The following PGGHG variants were observed in gnomAD, a reference collection of about 807,000 sequenced individuals.
The protein encoded by PGGHG is protein-glucosylgalactosylhydroxylysine glucosidase.
A neutral mutation model predicts 74.5 loss-of-function variants in PGGHG; 67 were observed. The ratio of observed to expected loss-of-function variants is 0.90; its 90% CI spans 0.74 to 1.10. PGGHG has a LOEUF of 1.10. Among genes scored for constraint, PGGHG ranks in the 50% least tolerant of loss-of-function variants. The pLI is 0.00. For missense variants in PGGHG, 1,034 were observed against 981.5 expected (o/e 1.05, Z -0.72); for synonymous variants, 496 against 419.9 (o/e 1.18, Z -2.21).
intron 4 of PGGHG, 184 bp downstream of exon 4, chr11:291,297 CAG>C: frequency 4.0e-6 from 3 of 748,602 alleles, no homozygotes; most frequent in Non-Finnish European, 4.1e-6. Flanking sequence ...ATGGAAGGTG[CAG>C]AGACCAGAGC....
intron 7 of PGGHG, 37 bp from the exon 8 acceptor site, chr11:293,126 C>A: frequency 6.2e-7 from 1 of 1,613,658 alleles, no homozygotes; most frequent in Non-Finnish European, 8.5e-7. Context: ...GCCTCTGAGA[C>A]TCTGCACTGA....
At chr11:293,321 G>T (rs1184598375) in intron 8 of PGGHG, 45 bp from the exon 9 acceptor site, 2 of 1,603,578 alleles carry the variant, frequency 1.2e-6, no homozygotes. Flanking sequence ...GGCAGCAGCT[G>T]GAAGTGTAGG....
chr11:294,414 G>A lies in PGGHG; in HGVS notation c.1956G>A (p.Gly652=), dbSNP rs1590291851. Residue 652 remains glycine (G), a synonymous_variant, in exon 13 of 14, where the codon GGG becomes GGA. Transcript: ENST00000409548. The part of the protein sequence containing the change: ...SVTVEVTARA[G]PWAPHLEAEL... ...CCGTGGAGGTCACAGCTCGAGCAGG[G>A]CCCTGGGCTCCTCACCTGGAGGCTG... The A allele has an allele frequency of 3.2e-6, 5 of 1,586,818 alleles. 1 individual carries two copies. In the South Asian group the frequency reaches 3.3e-5, roughly 11 times the overall value.
Position 294,747 on chromosome 11 carries a change from T to TC in PGGHG, c.2212_2213insC (p.Ter738SerfsTer48). ...ACTCACTGTGGACCCTGCCTCTGAATAATCAGGAACGGTGGCTTCAGAGAC... is the reference window on the plus strand; with the variant it reads ...ACTCACTGTGGACCCTGCCTCTGAATCAATCAGGAACGGTGGCTTCAGAGAC... On this transcript the variant is annotated frameshift_variant and stop_lost, in exon 14 of 14. Coordinates refer to ENST00000409548, the MANE Select transcript of PGGHG (RefSeq NM_025092.5). LOFTEE classifies it high-confidence loss of function. 4.4e-5 allele frequency: 70 copies of TC among 1,594,036 alleles called. No individual in the cohort carries two copies. Among genetic ancestry groups the TC allele is most frequent in the Non-Finnish European group, 5.6e-5 (65 of 1,168,136 alleles).
rs1564839712 is a variant in PGGHG, at chr11:290,844, GCCTGCCTCA to G, written c.639_647del (p.Cys214_Thr216del). 1 of 1,612,074 alleles carries G rather than the reference GCCTGCCTCA, an allele frequency of 6.2e-7. No individual in the cohort carries two copies. Among genetic ancestry groups the G allele is most frequent in the Non-Finnish European group, 8.5e-7 (1 of 1,179,612 alleles). On this transcript the variant is annotated inframe_deletion, in exon 4 of 14. Coordinates refer to ENST00000409548, the MANE Select transcript of PGGHG (RefSeq NM_025092.5). ...GGGCGGCAGCCAGGCTGAGGCTCAG[GCCTGCCTCA>G]CTGAGGCCCTGCAGCTGCAGGCCAG...
At chr11:291,667 C>T in intron 4 of PGGHG, 1 of 339,624 alleles carries the variant, frequency 2.9e-6, no homozygotes, top group Non-Finnish European at 5.5e-6. Context: ...TTTGATGAGG[C>T]TCTCAGAGGC....
chr11:292,222 C>G, intron 5 of PGGHG, 127 bp downstream of exon 5: 1 of 1,336,774 alleles, frequency 7.5e-7, no homozygotes, highest in Non-Finnish European at 9.9e-7. Context: ...GATTCCCCAC[C>G]CTGAGGCTTG....
At position 293,822 on chromosome 11, in the gene PGGHG, G is replaced by C; in HGVS notation, c.1615-8G>C. 1 of 1,613,642 alleles carries C rather than the reference G, an allele frequency of 6.2e-7. No homozygotes were observed. The highest frequency in any genetic ancestry group is 8.5e-7 in the Non-Finnish European group (1 of 1,179,988). ...CACCCCTGTGTGTCCTCTTACCTCTGACCCCAGAGCATGTTTGCTGTGGGC... is the reference window on the plus strand; with the variant it reads ...CACCCCTGTGTGTCCTCTTACCTCTCACCCCAGAGCATGTTTGCTGTGGGC... On this transcript the variant is annotated splice_region_variant and splice_polypyrimidine_tract_variant and intron_variant, in intron 10 of 13. Transcript: ENST00000409548.
chr11:294,350 G>A lies in PGGHG; in HGVS notation c.1892G>A (p.Gly631Glu), dbSNP rs1845814331. The change falls in exon 13 of 14, where the codon GGG becomes GAG. Residue 631 changes from glycine (G) to glutamate (E), a missense_variant. Coordinates refer to ENST00000409548, the MANE Select transcript of PGGHG (RefSeq NM_025092.5). ...RVSVSGIFYQ[G>E]NKLNFSFSED... ...AGCGTCTCCGGCATCTTCTACCAGG[G>A]GAACAAGCTCAACTTCTCTTTTTCC... 1 of 1,613,138 alleles carries A rather than the reference G, an allele frequency of 6.2e-7. No homozygotes were observed. Among genetic ancestry groups the A allele is most frequent in the Admixed American group, 1.7e-5 (1 of 59,990 alleles).
At position 294,294 on chromosome 11, in the gene PGGHG, C is replaced by T. The variant is rs371413879; in HGVS notation, c.1836C>T (p.Asp612=). The change falls in exon 13 of 14, where the codon GAC becomes GAT. Residue 612 remains aspartate (D), a synonymous_variant. Transcript: ENST00000409548. Reference sequence around the variant, plus strand: ...TCACCCGAGCGGGTGTGACCTTTGACCCTGTGTGTCTGTCGGGGATCTCCA... The same window carrying T: ...TCACCCGAGCGGGTGTGACCTTTGATCCTGTGTGTCTGTCGGGGATCTCCA... ...FRVTRAGVTF[D]PVCLSGISRV... 3 of 1,611,216 alleles carry T rather than the reference C, an allele frequency of 1.9e-6. No individual in the cohort carries two copies. Among genetic ancestry groups the T allele is most frequent in the Non-Finnish European group, 1.7e-6 (2 of 1,178,852 alleles).
chr11:294,647 G>T lies in PGGHG; in HGVS notation c.2112G>T (p.Arg704Ser). 1 of 1,603,876 alleles carries T rather than the reference G, an allele frequency of 6.2e-7. No individual in the cohort carries two copies. Among genetic ancestry groups the T allele is most frequent in the Non-Finnish European group, 8.5e-7 (1 of 1,175,560 alleles). ...PGSSSSEFPG[R>S]TFSDVRDPLQ... Reference sequence around the variant, plus strand: ...GTTCCAGCTCCGAGTTCCCTGGGAGGACTTTTTCAGATGTTAGGGACCCGC... The same window carrying T: ...GTTCCAGCTCCGAGTTCCCTGGGAGTACTTTTTCAGATGTTAGGGACCCGC... The change falls in exon 14 of 14, where the codon AGG (arginine) becomes AGT (serine). Residue 704 changes from arginine (R) to serine (S), a missense_variant. Coordinates refer to ENST00000409548, the MANE Select transcript of PGGHG (RefSeq NM_025092.5).
At position 290,453 on chromosome 11, in the gene PGGHG, G is replaced by T. The variant is rs566025700; in HGVS notation, c.323G>T (p.Arg108Leu). The T allele has an allele frequency of 3.9e-6, 6 of 1,549,508 alleles. No homozygotes were observed. In the African/African-American group the frequency reaches 8.2e-5, roughly 21 times the overall value. Residue 108 changes from arginine to leucine, a missense_variant, in exon 3 of 14, where the codon CGC becomes CTC. Coordinates refer to ENST00000409548, the MANE Select transcript of PGGHG (RefSeq NM_025092.5). ...GCCTCCCAGTGCATCTATGCGCATC[G>T]CACGCTGCCCCACGTGCTGGCTTTC... ...FRASQCIYAH[R>L]TLPHVLAFRV...
intron 4 of PGGHG, chr11:291,351 T>A: frequency 2.0e-6 from 1 of 502,452 alleles, no homozygotes; most frequent in South Asian, 3.7e-5. Flanking sequence ...GGGAGGGGCC[T>A]CCACCAAGGC....
chr11:293,817 C>G lies in PGGHG; in HGVS notation c.1615-13C>G, dbSNP rs747669509. The G allele has an allele frequency of 6.2e-7, 1 of 1,613,608 alleles. No individual in the cohort carries two copies. The highest frequency in any genetic ancestry group is 8.5e-7 in the Non-Finnish European group (1 of 1,179,972). Reference sequence around the variant, plus strand: ...GGCCTCACCCCTGTGTGTCCTCTTACCTCTGACCCCAGAGCATGTTTGCTG... The same window carrying G: ...GGCCTCACCCCTGTGTGTCCTCTTAGCTCTGACCCCAGAGCATGTTTGCTG... On this transcript the variant is annotated splice_polypyrimidine_tract_variant and intron_variant, in intron 10 of 13. Transcript: ENST00000409548.
chr11:294,628 G>A lies in PGGHG; in HGVS notation c.2093G>A (p.Ser698Asn). ...CCCCCGAAGCTGCCTGGAAGTTCCAGCTCCGAGTTCCCTGGGAGGACTTTT... is the reference window on the plus strand; with the variant it reads ...CCCCCGAAGCTGCCTGGAAGTTCCAACTCCGAGTTCCCTGGGAGGACTTTT... ...MSPPKLPGSS[S>N]SEFPGRTFSD... The change falls in exon 14 of 14, where the codon AGC (serine) becomes AAC (asparagine). Residue 698 changes from serine to asparagine, a missense_variant. By Grantham distance (46) the Ser-to-Asn change is conservative. Transcript: ENST00000409548. 1.3e-6 allele frequency: 2 copies of A among 1,521,422 alleles called. No homozygotes were observed. The highest frequency in any genetic ancestry group is 1.8e-6 in the Non-Finnish European group (2 of 1,128,622). The allele number at this position is 1,521,422 out of a possible 1,614,324, so 94.2% of individuals were successfully genotyped here. A position where few individuals can be genotyped will look rare whatever the true frequency, so the allele number is the denominator to read the frequency against.
In PGGHG at chr11:294,767, A is replaced by G. The variant is rs1490600473; in HGVS notation, c.*18A>G. 1.9e-6 allele frequency: 3 copies of G among 1,573,404 alleles called. No homozygotes were observed. On this transcript the variant is annotated 3_prime_UTR_variant, in exon 14 of 14. Coordinates refer to ENST00000409548, the MANE Select transcript of PGGHG (RefSeq NM_025092.5). ...CTGAATAATCAGGAACGGTGGCTTC[A>G]GAGACGTCTCTTGGGCCTTCCCTCT...
intron 3 of PGGHG, 30 bp from the exon 4 acceptor site, chr11:290,648 C>G: frequency 6.2e-7 from 1 of 1,609,672 alleles, no homozygotes; most frequent in Non-Finnish European, 8.5e-7. Flanking sequence ...GGAGGGAGCT[C>G]ATCCCTGAGG....
Position 290,520 on chromosome 11 carries a change from C to T in PGGHG, c.390C>T (p.Ile130=). 5 of 1,550,588 alleles carry T rather than the reference C, an allele frequency of 3.2e-6. No homozygotes were observed. Among genetic ancestry groups the T allele is most frequent in the Non-Finnish European group, 4.4e-6 (5 of 1,147,008 alleles). ...GCCTGGCCCCGGGGAGCGGGCCCAT[C>T]ACGCTGCTCCTGCGGTCAGCCTTCT... The part of the protein sequence containing the change: ...IARLAPGSGP[I]TLLLRSAFSP... The change falls in exon 3 of 14, where the codon ATC becomes ATT. Residue 130 remains isoleucine (I), a synonymous_variant. Coordinates refer to ENST00000409548, the MANE Select transcript of PGGHG (RefSeq NM_025092.5).
Position 294,089 on chromosome 11 carries a change from G to A in PGGHG, c.1711-10G>A. 6.3e-7 allele frequency: 1 copy of A among 1,597,846 alleles called. No individual in the cohort carries two copies. Among genetic ancestry groups the A allele is most frequent in the Non-Finnish European group, 8.5e-7 (1 of 1,170,736 alleles). On this transcript the variant is annotated splice_polypyrimidine_tract_variant and intron_variant, in intron 11 of 13. Transcript: ENST00000409548. ...GGGGGTCCTGGTGTCAGCTGCCCTTGCCCCTGCAGGTGTGGACGGAGAATG... is the reference window on the plus strand; with the variant it reads ...GGGGGTCCTGGTGTCAGCTGCCCTTACCCCTGCAGGTGTGGACGGAGAATG...
Sources: gnomAD v4.1 joint callset for allele counts on GRCh38, gnomAD v4.1.1 for gene constraint, MANE v1.5 for transcripts, NCBI Gene and HGNC (gene_info 2026-07-23, HGNC 2026-07-21) for gene names.